NHS: variants seen among roughly 807,000 people sequenced by gnomAD.
NHS encodes the protein NHS actin remodeling regulator.
In NHS, 5 loss-of-function variants were observed where a neutral mutation model predicts 72.5. The ratio of observed to expected loss-of-function variants is 0.07; its 90% confidence interval spans 0.04 to 0.14. NHS has a LOEUF of 0.14. NHS is among the 10% of genes least tolerant of loss of function. The pLI, the probability that NHS is intolerant of heterozygous loss-of-function variation, is 1.00. For missense variants in NHS, 1,072 were observed against 1,355.7 expected, an observed-to-expected ratio of 0.79 and a Z score of 3.29; for synonymous variants, 464 against 547.7, an observed-to-expected ratio of 0.85 and a Z score of 2.13.
intron 1 of NHS, among the ~76,000 whole-genome samples, chrX:17,685,063 A>G (rs2066154107): frequency 8.9e-6 from 1 of 112,060 alleles, no homozygotes; most frequent in Non-Finnish European, 1.9e-5. Flanking sequence ...GAATGGATTC[A>G]ACTGTGGTTG....
At chrX:17,518,400 T>C (rs1055367186) in intron 1 of NHS, among the ~76,000 whole-genome samples, 2 of 111,622 alleles carry the variant, frequency 1.8e-5, no homozygotes, top group African/African-American at 6.5e-5. Context: ...CAAACTCCCA[T>C]CTACACAAGG....
intron 1 of NHS, among the ~76,000 whole-genome samples, chrX:17,485,170 C>A (rs1265593871): frequency 8.9e-6 from 1 of 112,381 alleles, no homozygotes; most frequent in Non-Finnish European, 1.9e-5. Context: ...TCCCAGGTTA[C>A]CTACGTAGCA....
chrX:17,413,626 C>T (rs975899870), intron 1 of NHS, among the ~76,000 whole-genome samples: 1 of 111,964 alleles, frequency 8.9e-6, no homozygotes, highest in Non-Finnish European at 1.9e-5. Context: ...TTTCCAAAGG[C>T]GAAGACTGTT....
Position 17,719,474 on chromosome X carries a change from C to G in NHS, c.915+68C>G. The G allele has an allele frequency of 4.8e-6, 4 of 829,684 alleles. No individual in the cohort carries two copies. In the South Asian group the frequency reaches 1.1e-4, roughly 22 times the overall value. 68.4% of individuals were successfully genotyped at this position (829,684 alleles called of 1,213,427 possible). On this transcript the variant is annotated intron_variant, in intron 4 of 8. Transcript: ENST00000676302. ...TGTCCAGACACTCTTCCTTTTTTCCCTCTTTTAACTTTATGGAAAACTTTC... is the reference window on the plus strand; with the variant it reads ...TGTCCAGACACTCTTCCTTTTTTCCGTCTTTTAACTTTATGGAAAACTTTC...
At chrX:17,664,817 T>G (rs1033047656) in intron 1 of NHS, among the ~76,000 whole-genome samples, 5 of 111,825 alleles carry the variant, frequency 4.5e-5, no homozygotes, top group African/African-American at 1.6e-4. Context: ...TTAACAATGT[T>G]GTATCTTCAG....
chrX:17,436,236 C>T (rs1215748053), intron 1 of NHS, among the ~76,000 whole-genome samples: 2 of 111,407 alleles, frequency 1.8e-5, no homozygotes, highest in Non-Finnish European at 3.8e-5. Flanking sequence ...AAGGTTGTGA[C>T]GTTTTGGGGG....
At chrX:17,697,427 T>A (rs1332047005) in intron 3 of NHS, among the ~76,000 whole-genome samples, 1 of 111,731 alleles carries the variant, frequency 9.0e-6, no homozygotes, top group Non-Finnish European at 1.9e-5. Context: ...CAGATCCACA[T>A]AGAGTGATTG....
At chrX:17,719,774 C>T (rs1407554657) in intron 4 of NHS, among the ~76,000 whole-genome samples, 2 of 111,668 alleles carry the variant, frequency 1.8e-5, no homozygotes, top group African/African-American at 3.3e-5. Context: ...GGCAGCCAAT[C>T]GTCCTGTCAC....
Position 17,543,914 on chromosome X carries a change from G to A in NHS, c.566-143828G>A, listed in dbSNP as rs2065277038. Among the ~76,000 whole-genome samples the A allele has an allele frequency of 2.7e-5, 3 of 112,088 alleles. No individual in the cohort carries two copies. The South Asian group carries it at 1.1e-3, about 41-fold the overall frequency. ...TTCAAGGCCAAAATGAAGATAAAGA[G>A]ATGGAGCTGCGGGGCATATATAAAT... On this transcript the variant is annotated intron_variant, in intron 1 of 8. Transcript: ENST00000676302.
Position 17,559,623 on chromosome X carries a change from T to C in NHS, c.566-128119T>C, listed in dbSNP as rs144379836. 5.4e-3 allele frequency among the ~76,000 whole-genome samples: 606 copies of C among 112,389 alleles called. 5 individuals are homozygous for C. Among genetic ancestry groups the C allele is most frequent in the African/African-American group, 0.019 (586 of 30,919 alleles). On this transcript the variant is annotated intron_variant, in intron 1 of 8. Coordinates refer to ENST00000676302, the MANE Select transcript of NHS (RefSeq NM_001291867.2). ...ACATTTAGAGGAAGCCTTCTTTTGA[T>C]AGCCAACTGCCAGATTCTTCATCTC...
chrX:17,448,416 T>C (rs1379857184), intron 1 of NHS, among the ~76,000 whole-genome samples: 1 of 111,989 alleles, frequency 8.9e-6, no homozygotes, highest in Non-Finnish European at 1.9e-5. Context: ...GTACCTAGTA[T>C]TTGCTCTAAT....
intron 1 of NHS, among the ~76,000 whole-genome samples, chrX:17,583,033 G>A (rs1038580256): frequency 9.0e-6 from 1 of 111,617 alleles, no homozygotes; most frequent in Non-Finnish European, 1.9e-5. Flanking sequence ...ATCATGAGTT[G>A]GAGTTTAACT....
chrX:17,422,520 G>T (rs2064629338), intron 1 of NHS, among the ~76,000 whole-genome samples: 2 of 111,389 alleles, frequency 1.8e-5, no homozygotes, highest in Non-Finnish European at 3.8e-5. Flanking sequence ...CTGACATTTG[G>T]GGCTGGATCA....
intron 3 of NHS, among the ~76,000 whole-genome samples, chrX:17,701,080 T>C (rs750422441): frequency 9.1e-4 from 102 of 112,120 alleles, no homozygotes; most frequent in Non-Finnish European, 1.8e-3. Context: ...CTGTATTCAG[T>C]ACAGTAACAT....
intron 3 of NHS, among the ~76,000 whole-genome samples, chrX:17,705,978 C>T (rs771176613): frequency 1.8e-5 from 2 of 111,408 alleles, no homozygotes; most frequent in East Asian, 5.6e-4. Flanking sequence ...TGGCTGAGCT[C>T]AGGAATTTGA....
chrX:17,381,156 A>C (rs965673293), intron 1 of NHS, among the ~76,000 whole-genome samples: 4 of 111,502 alleles, frequency 3.6e-5, no homozygotes, highest in African/African-American at 1.3e-4. Context: ...GAAGAGTCCA[A>C]CTTTTCAGTC....
intron 1 of NHS, among the ~76,000 whole-genome samples, chrX:17,674,123 C>T (rs2066065675): frequency 8.9e-6 from 1 of 112,016 alleles, no homozygotes; most frequent in Non-Finnish European, 1.9e-5. Flanking sequence ...GTGTGATTAG[C>T]TGGGGCCTCC....
At chrX:17,647,997 CT>C (rs1407302165) in intron 1 of NHS, among the ~76,000 whole-genome samples, 116 of 108,905 alleles carry the variant, frequency 1.1e-3, no homozygotes, top group African/African-American at 3.8e-3. Flanking sequence ...TTTTTTAAGT[CT>C]TTAGTTTATG....
At chrX:17,612,272 C>T (rs1021356787) in intron 1 of NHS, among the ~76,000 whole-genome samples, 2 of 108,721 alleles carry the variant, frequency 1.8e-5, no homozygotes, top group Non-Finnish European at 3.8e-5. Context: ...TAGACAAACA[C>T]GATCTTCTGG....
Sources: allele counts gnomAD v4.1 joint callset (sites outside exome capture counted in the v4.1 genomes callset), GRCh38; gene constraint gnomAD v4.1.1; transcripts MANE v1.5; gene names NCBI Gene and HGNC (gene_info 2026-07-23, HGNC 2026-07-21).